Variants in STARD13 observed in about 807,000 individuals in gnomAD.
STARD13 encodes the protein stAR-related lipid transfer protein 13.
A neutral mutation model predicts 106.4 loss-of-function variants in STARD13; 62 were observed. The ratio of observed to expected loss-of-function variants is 0.58; its 90% CI spans 0.48 to 0.72. The LOEUF is 0.72. Ranked by LOEUF, STARD13 falls within the 30% of genes least tolerant of loss-of-function variation. STARD13 has a pLI of 0.00. For synonymous variants in STARD13, 565 were observed against 553.0 expected (o/e 1.02, Z -0.31); for missense variants, 1,387 against 1,424.0 (o/e 0.97, Z 0.42).
At chr13:33,499,569 T>C in the STARD13 span, among the ~76,000 whole-genome samples, 2 of 66,600 alleles carry the variant, frequency 3.0e-5, no homozygotes, top group South Asian at 6.2e-4. Context: ...TTCTTCTTCT[T>C]CTTCTTCTTC....
the STARD13 span, among the ~76,000 whole-genome samples, chr13:33,651,888 A>T: frequency 6.6e-6 from 1 of 152,172 alleles, no homozygotes; most frequent in Admixed American, 6.6e-5. Flanking sequence ...CTCTCTCCCC[A>T]CCAAGGCATC....
At chr13:33,294,565 A>G (rs1892416714) in intron 1 of STARD13, among the ~76,000 whole-genome samples, 1 of 152,226 alleles carries the variant, frequency 6.6e-6, no homozygotes. Flanking sequence ...TCTCTTTAAT[A>G]GTTCATTCAA....
At chr13:33,332,557 T>C (rs2077848526) in intron 1 of STARD13, among the ~76,000 whole-genome samples, 1 of 152,130 alleles carries the variant, frequency 6.6e-6, no homozygotes, top group Non-Finnish European at 1.5e-5. Context: ...TGGTCCTTTT[T>C]AGAATCCAAC....
chr13:33,113,224 G>A (rs1874875458), intron 8 of STARD13: 1 of 458,198 alleles, frequency 2.2e-6, no homozygotes, highest in African/African-American at 2.0e-5. Context: ...TGTATTCTGA[G>A]CAATCAACCC....
chr13:33,663,460 A>G, the STARD13 span, among the ~76,000 whole-genome samples: 1 of 152,206 alleles, frequency 6.6e-6, no homozygotes, highest in African/African-American at 2.4e-5. Flanking sequence ...TGAAATAGTA[A>G]TAGTATGCAA....
chr13:33,380,112 G>A, the STARD13 span, among the ~76,000 whole-genome samples: 25 of 152,116 alleles, frequency 1.6e-4, no homozygotes, highest in African/African-American at 2.7e-4. Context: ...GAGGCCAGGC[G>A]CGGTGGCTCA....
the STARD13 span, among the ~76,000 whole-genome samples, chr13:33,539,598 A>T: frequency 6.6e-6 from 1 of 152,256 alleles, no homozygotes; most frequent in Non-Finnish European, 1.5e-5. Flanking sequence ...CAGATTTTTA[A>T]TAAAGGTGCC....
upstream of STARD13, among the ~76,000 whole-genome samples, chr13:33,287,778 A>G (rs1892132824): frequency 6.6e-6 from 1 of 152,094 alleles, no homozygotes; most frequent in Non-Finnish European, 1.5e-5. Context: ...CTTTTTGTTC[A>G]AGGCAGACAC....
At chr13:33,140,084 G>C (rs972459737) in intron 4 of STARD13, among the ~76,000 whole-genome samples, 17 of 152,298 alleles carry the variant, frequency 1.1e-4, no homozygotes, top group Non-Finnish European at 2.2e-4. Flanking sequence ...TCAGAATACC[G>C]AAGTGACCAA....
chr13:33,422,171 T>C, the STARD13 span, among the ~76,000 whole-genome samples: 1 of 152,332 alleles, frequency 6.6e-6, no homozygotes, highest in African/African-American at 2.4e-5. Context: ...TGTTTGCAGA[T>C]GACATGATTG....
At chr13:33,407,333 G>T in the STARD13 span, among the ~76,000 whole-genome samples, 2 of 152,162 alleles carry the variant, frequency 1.3e-5, no homozygotes, top group East Asian at 3.9e-4. Flanking sequence ...GGAAGGCCTA[G>T]GTGTTCCATC....
At chr13:33,617,758 G>A in the STARD13 span, among the ~76,000 whole-genome samples, 1 of 152,174 alleles carries the variant, frequency 6.6e-6, no homozygotes, top group Non-Finnish European at 1.5e-5. Flanking sequence ...CCAAGCACTG[G>A]TATAGGGGCT....
chr13:33,467,645 T>C, the STARD13 span, among the ~76,000 whole-genome samples: 1 of 152,152 alleles, frequency 6.6e-6, no homozygotes, highest in African/African-American at 2.4e-5. Context: ...AAGGGCATAA[T>C]AATAATGGCG....
intron 1 of STARD13, among the ~76,000 whole-genome samples, chr13:33,327,526 C>T (rs1363126177): frequency 3.3e-5 from 5 of 152,116 alleles, no homozygotes; most frequent in Non-Finnish European, 5.9e-5. Context: ...TGGGCCACCA[C>T]ATCTGGCTAA....
intron 1 of STARD13, among the ~76,000 whole-genome samples, chr13:33,231,264 G>A (rs919212331): frequency 3.9e-5 from 6 of 152,192 alleles, no homozygotes; most frequent in Admixed American, 2.6e-4. Flanking sequence ...GGTGCATAAG[G>A]CCCTGGACAG....
the STARD13 span, among the ~76,000 whole-genome samples, chr13:33,504,945 T>C: frequency 6.6e-6 from 1 of 152,152 alleles, no homozygotes; most frequent in Non-Finnish European, 1.5e-5. Flanking sequence ...GAAAAGTCCT[T>C]CAGCTACAGC....
the STARD13 span, among the ~76,000 whole-genome samples, chr13:33,647,591 A>G: frequency 6.6e-6 from 1 of 152,204 alleles, no homozygotes; most frequent in African/African-American, 2.4e-5. Flanking sequence ...TAATACTAAC[A>G]ATGACAGTCC....
intron 1 of STARD13, among the ~76,000 whole-genome samples, chr13:33,252,566 C>T (rs1594168885): frequency 6.6e-6 from 1 of 152,228 alleles, no homozygotes; most frequent in Non-Finnish European, 1.5e-5. Context: ...ACATGCAGGG[C>T]TTCCAACATA....
At chr13:33,170,388 G>C (rs1444625006) in intron 1 of STARD13, among the ~76,000 whole-genome samples, 1 of 152,192 alleles carries the variant, frequency 6.6e-6, no homozygotes, top group Non-Finnish European at 1.5e-5. Context: ...GCTGAAGCTA[G>C]CCAGGGAAAT....
Sources: allele counts gnomAD v4.1 joint callset (sites outside exome capture counted in the v4.1 genomes callset), GRCh38; gene constraint gnomAD v4.1.1; transcripts MANE v1.5; gene names NCBI Gene and HGNC (gene_info 2026-07-23, HGNC 2026-07-21).